WLS: variants seen among roughly 807,000 people sequenced by gnomAD.
The protein encoded by WLS is Wnt ligand secretion mediator, also known as protein wntless homolog.
WLS carries 23 observed loss-of-function variants against 62.8 expected under a neutral mutation model. That is an observed-to-expected ratio of 0.37 (90% CI 0.26 to 0.52). WLS has a LOEUF of 0.52. Ranked by LOEUF, WLS falls within the 20% of genes least tolerant of loss-of-function variation. The pLI is 0.92. For missense variants in WLS, 615 were observed against 697.3 expected, an observed-to-expected ratio of 0.88 and a Z score of 1.33; for synonymous variants, 246 against 244.1, an observed-to-expected ratio of 1.01 and a Z score of -0.07.
At chr1:68,144,529 G>A (rs1349311400) in intron 10 of WLS, 40 bp downstream of exon 10, 1 of 1,581,906 alleles carries the variant, frequency 6.3e-7, no homozygotes, top group East Asian at 2.2e-5. Flanking sequence ...AGGGATCTCT[G>A]CAGAGACATT....
chr1:68,230,498 C>T (rs1316990576), intron 1 of WLS, among the ~76,000 whole-genome samples: 2 of 151,856 alleles, frequency 1.3e-5, no homozygotes, highest in Admixed American at 1.3e-4. Flanking sequence ...GTATTAAGAG[C>T]CTCGAAAAAT....
At chr1:68,133,063 ACAG>A (rs1011324271) in intron 11 of WLS, among the ~76,000 whole-genome samples, 3 of 53,078 alleles carry the variant, frequency 5.7e-5, no homozygotes, top group African/African-American at 1.8e-4. Context: ...AGCAACAGCA[ACAG>A]CAGCAGCAGC....
intron 2 of WLS, among the ~76,000 whole-genome samples, chr1:68,190,036 T>C (rs1648202181): frequency 6.6e-6 from 1 of 151,600 alleles, no homozygotes; most frequent in Non-Finnish European, 1.5e-5. Flanking sequence ...AATAAGTACT[T>C]ACTATGTCCT....
chr1:68,182,486 G>A (rs1647644373), intron 2 of WLS, among the ~76,000 whole-genome samples: 1 of 152,184 alleles, frequency 6.6e-6, no homozygotes, highest in Non-Finnish European at 1.5e-5. Context: ...CTCTATCCTG[G>A]GGTAAACAAA....
rs897644525 is a variant in WLS at position 68,159,163 on chromosome 1, C to G, written c.464G>C (p.Arg155Thr). Residue 155 changes from arginine to threonine, a missense_variant, in exon 3 of 12, where the codon AGA (arginine) becomes ACA (threonine). Coordinates refer to ENST00000262348, the MANE Select transcript of WLS (RefSeq NM_024911.7). ...GGTGCATTTGAGTTTCCGTGGTACT[C>G]TTTCATGGGCCATTTCAGTCCACTC... Reference protein sequence around the residue: ...FAEWTEMAHERVPRKLKCTFT... With the variant: ...FAEWTEMAHETVPRKLKCTFT... 6.2e-7 allele frequency: 1 copy of G among 1,614,146 alleles called. No individual in the cohort carries two copies. Among genetic ancestry groups the G allele is most frequent in the Admixed American group, 1.7e-5 (1 of 60,022 alleles).
chr1:68,205,880 C>T (rs1237634215), intron 1 of WLS, among the ~76,000 whole-genome samples: 3 of 152,128 alleles, frequency 2.0e-5, no homozygotes, highest in African/African-American at 7.2e-5. Flanking sequence ...TTTCTCTCTG[C>T]CCCAGTGAAT....
chr1:68,102,998 G>A (rs760216848), intron 11 of WLS, among the ~76,000 whole-genome samples: 26 of 151,700 alleles, frequency 1.7e-4, no homozygotes, highest in Non-Finnish European at 2.8e-4. Flanking sequence ...TTTTTTTGCC[G>A]GGGGCACTGT....
At chr1:68,221,967 C>T (rs1649958470) in intron 1 of WLS, among the ~76,000 whole-genome samples, 1 of 152,156 alleles carries the variant, frequency 6.6e-6, no homozygotes, top group Non-Finnish European at 1.5e-5. Flanking sequence ...GAAGAAATGG[C>T]AGAGACGAAG....
intron 11 of WLS, among the ~76,000 whole-genome samples, chr1:68,134,001 G>A (rs565715987): frequency 1.7e-4 from 26 of 152,334 alleles, no homozygotes; most frequent in African/African-American, 2.6e-4. Flanking sequence ...AAGCAAAGGA[G>A]AGAAAGAAAT....
chr1:68,211,295 G>A, intron 1 of WLS, among the ~76,000 whole-genome samples: 1 of 149,240 alleles, frequency 6.7e-6, no homozygotes, highest in Admixed American at 6.7e-5. Context: ...CTCTACTGAG[G>A]CACACAGCCT....
intron 8 of WLS, among the ~76,000 whole-genome samples, chr1:68,146,602 C>A (rs1438148684): frequency 6.6e-6 from 1 of 152,140 alleles, no homozygotes; most frequent in African/African-American, 2.4e-5. Flanking sequence ...GGGCTCAGTG[C>A]AGGGGACCTG....
chr1:68,102,577 G>A (rs1333107561), intron 11 of WLS: 1 of 151,946 alleles, frequency 6.6e-6, no homozygotes, highest in Admixed American at 6.6e-5. Flanking sequence ...CCACTTTAAG[G>A]GCTCCTACTC....
intron 11 of WLS, among the ~76,000 whole-genome samples, chr1:68,109,605 G>T (rs1377142224): frequency 1.3e-5 from 2 of 152,048 alleles, no homozygotes; most frequent in Non-Finnish European, 2.9e-5. Context: ...TTTTAGAAAT[G>T]AAAAATGTTA....
chr1:68,158,739 G>A lies in WLS; in HGVS notation c.504+384C>T, dbSNP rs567771814. On this transcript the variant is annotated intron_variant, in intron 3 of 11. Transcript: ENST00000262348. ...TCTAGCCCTTAAACAGACTCCCAAG[G>A]TAGGTACTCTTATCTCATCTTGCAG... Among the ~76,000 whole-genome samples, 23 of 152,266 alleles carry A rather than the reference G, an allele frequency of 1.5e-4. No individual in the cohort carries two copies. In the South Asian group the frequency reaches 4.8e-3, roughly 32 times the overall value.
chr1:68,127,355 G>A (rs1012337059), intron 11 of WLS, among the ~76,000 whole-genome samples: 2 of 152,212 alleles, frequency 1.3e-5, no homozygotes, highest in Admixed American at 1.3e-4. Context: ...GAAACGTGCT[G>A]TGCATTTCCT....
chr1:68,098,844 T>TA, intron 11 of WLS: 1 of 1,462,562 alleles, frequency 6.8e-7, no homozygotes. Flanking sequence ...CAGGTAACTA[T>TA]AAAAATTTTT....
intron 2 of WLS, chr1:68,186,501 T>TAAA: frequency 3.4e-5 from 12 of 355,570 alleles, no homozygotes; most frequent in South Asian, 4.1e-5. Flanking sequence ...CACGAAAAGT[T>TAAA]AAAAAAAAAA....
chr1:68,108,819 G>A (rs1000192349), intron 11 of WLS, among the ~76,000 whole-genome samples: 2 of 152,012 alleles, frequency 1.3e-5, no homozygotes, highest in Admixed American at 1.3e-4. Flanking sequence ...TTTTCTTATG[G>A]GGAAAATTGG....
chr1:68,120,308 G>A (rs1646347878), intron 11 of WLS, among the ~76,000 whole-genome samples: 1 of 152,184 alleles, frequency 6.6e-6, no homozygotes. Flanking sequence ...TGGGTTCTGA[G>A]GATTTGCTCA....
Sources: allele counts gnomAD v4.1 joint callset (sites outside exome capture counted in the v4.1 genomes callset), GRCh38; gene constraint gnomAD v4.1.1; transcripts MANE v1.5; gene names NCBI Gene and HGNC (gene_info 2026-07-23, HGNC 2026-07-21).